The following ZNF782 variants were observed in gnomAD, a reference collection of about 807,000 sequenced individuals.
The protein encoded by ZNF782 is zinc finger protein 782.
ZNF782 carries 12 observed loss-of-function variants against 13.0 expected under a neutral mutation model. The ratio of observed to expected loss-of-function variants is 0.92; its 90% CI spans 0.59 to 1.50. The LOEUF (loss-of-function observed/expected upper bound fraction) is 1.50. ZNF782 is among the 40% of genes most tolerant of loss of function. ZNF782 has a pLI of 0.00. For missense variants in ZNF782, 770 were observed against 822.9 expected (o/e 0.94, Z 0.79); for synonymous variants, 284 against 283.0 (o/e 1.00, Z -0.04).
chr9:96,845,270 C>A (rs1588165564), intron 3 of ZNF782, among the ~76,000 whole-genome samples: 3 of 152,206 alleles, frequency 2.0e-5, no homozygotes, highest in Middle Eastern at 3.4e-3. Flanking sequence ...AAGCTTAGTA[C>A]CCTTTTAGGT....
At chr9:96,872,530 CA>C (rs34362915) in intron 1 of ZNF782, among the ~76,000 whole-genome samples, 104 of 138,654 alleles carry the variant, frequency 7.5e-4, no homozygotes, top group African/African-American at 1.2e-3. Context: ...GACTCTGTCT[CA>C]AAAAAAAAAA....
intron 1 of ZNF782, among the ~76,000 whole-genome samples, chr9:96,868,065 T>G (rs908370985): frequency 4.6e-5 from 7 of 152,254 alleles, no homozygotes; most frequent in African/African-American, 1.7e-4. Flanking sequence ...GATGTTTTCT[T>G]GCAAAAGAAG....
the ZNF782 span, chr9:96,919,000 C>A: frequency 4.3e-6 from 1 of 230,244 alleles, no homozygotes; most frequent in Non-Finnish European, 9.9e-6. Flanking sequence ...CTTAACAGAC[C>A]AAGAGTCAGA....
chr9:96,894,360 T>C, the ZNF782 span: 1 of 152,066 alleles, frequency 6.6e-6, no homozygotes, highest in Non-Finnish European at 1.5e-5. Flanking sequence ...AGAACCTCCA[T>C]GCTCAATATC....
At chr9:96,877,417 G>A (rs1251218767), upstream of ZNF782, among the ~76,000 whole-genome samples, 1 of 152,210 alleles carries the variant, frequency 6.6e-6, no homozygotes, top group African/African-American at 2.4e-5. Flanking sequence ...GCCCGGCTTC[G>A]GGGTGCTTAG....
the ZNF782 span, among the ~76,000 whole-genome samples, chr9:96,904,497 TTGA>T: frequency 7.9e-6 from 1 of 127,318 alleles, no homozygotes; most frequent in East Asian, 2.4e-4. Flanking sequence ...TATAACTTCT[TTGA>T]TGAAGTATCT....
chr9:96,819,662 G>C lies in ZNF782; in HGVS notation c.361C>G (p.Pro121Ala). The C allele has an allele frequency of 6.2e-7, 1 of 1,613,918 alleles. No homozygotes were observed. Among genetic ancestry groups the C allele is most frequent in the Non-Finnish European group, 8.5e-7 (1 of 1,179,982 alleles). ...AAAATGTTTATGTCTCGATTATGTGGTTTTCCTGAAATTTCTTGCTCTGTA... is the reference window on the plus strand; with the variant it reads ...AAAATGTTTATGTCTCGATTATGTGCTTTTCCTGAAATTTCTTGCTCTGTA... Reference protein sequence around the residue: ...LTTEQEISGKPHNRDINIFRA... With the variant: ...LTTEQEISGKAHNRDINIFRA... The change falls in exon 6 of 6, where the codon CCA becomes GCA. Residue 121 changes from proline to alanine, a missense_variant. Pro to Ala is a conservative substitution (Grantham distance 27, BLOSUM62 -1). Coordinates refer to ENST00000481138, the MANE Select transcript of ZNF782 (RefSeq NM_001001662.3).
At chr9:96,894,401 A>T in the ZNF782 span, 2 of 152,044 alleles carry the variant, frequency 1.3e-5, no homozygotes, top group African/African-American at 2.4e-5. Context: ...TCAGGGCTTC[A>T]TCCTCCACCA....
the ZNF782 span, chr9:96,919,207 GT>G: frequency 7.9e-6 from 1 of 126,100 alleles, no homozygotes; most frequent in African/African-American, 3.1e-5. Context: ...AGGGCCAAAT[GT>G]AGTGAACCTC....
At chr9:96,905,671 T>C in the ZNF782 span, among the ~76,000 whole-genome samples, 1 of 152,110 alleles carries the variant, frequency 6.6e-6, no homozygotes, top group Non-Finnish European at 1.5e-5. Flanking sequence ...CTGCAACCTC[T>C]GCCTCCTGGG....
the ZNF782 span, among the ~76,000 whole-genome samples, chr9:96,885,657 G>A: frequency 6.6e-6 from 1 of 151,960 alleles, no homozygotes; most frequent in Admixed American, 6.6e-5. Flanking sequence ...CCCAAACATG[G>A]TAAGCCCAAA....
upstream of ZNF782, among the ~76,000 whole-genome samples, chr9:96,880,175 A>T (rs1287957171): frequency 2.9e-5 from 4 of 136,522 alleles, no homozygotes; most frequent in East Asian, 6.5e-4. Context: ...TAGTTTTAAG[A>T]TTTTTTTTTT....
At chr9:96,857,973 A>G (rs1851663911), upstream of ZNF782, among the ~76,000 whole-genome samples, 2 of 152,238 alleles carry the variant, frequency 1.3e-5, no homozygotes, top group African/African-American at 4.8e-5. Context: ...GTATACTACC[A>G]GAACATAATA....
the ZNF782 span, among the ~76,000 whole-genome samples, chr9:96,903,556 G>GTTTTTTT: frequency 7.4e-4 from 56 of 75,468 alleles, 1 homozygote; most frequent in Middle Eastern, 0.023. Context: ...TTTTATGTTG[G>GTTTTTTT]TTTTTTTTTT....
the ZNF782 span, among the ~76,000 whole-genome samples, chr9:96,883,818 C>G: frequency 6.6e-6 from 1 of 152,156 alleles, no homozygotes. Context: ...CCAGAGACAT[C>G]AAGAGTTGAT....
the ZNF782 span, among the ~76,000 whole-genome samples, chr9:96,930,567 C>T: frequency 2.0e-5 from 3 of 148,708 alleles, no homozygotes; most frequent in African/African-American, 7.5e-5. Flanking sequence ...TAGACACCTC[C>T]CCTGATAGCC....
chr9:96,819,841 T>C (rs1336137503), intron 5 of ZNF782, 63 bp from the exon 6 acceptor site: 7 of 1,250,378 alleles, frequency 5.6e-6, no homozygotes, highest in African/African-American at 1.5e-5. Flanking sequence ...GAATGGGACA[T>C]ATATGTATAT....
At chr9:96,887,304 AG>A in the ZNF782 span, 1 of 126,844 alleles carries the variant, frequency 7.9e-6, no homozygotes, top group Non-Finnish European at 1.8e-5. Flanking sequence ...GAAGGAAGGA[AG>A]GAAGGAAGGA....
At chr9:96,896,053 A>G in the ZNF782 span, 30 of 152,210 alleles carry the variant, frequency 2.0e-4, no homozygotes, top group Non-Finnish European at 3.5e-4. Context: ...AAGAAAACAG[A>G]TAGATCTTGG....
Sources: allele counts gnomAD v4.1 joint callset (sites outside exome capture counted in the v4.1 genomes callset), GRCh38; gene constraint gnomAD v4.1.1; transcripts MANE v1.5; gene names NCBI Gene and HGNC (gene_info 2026-07-23, HGNC 2026-07-21).